MAP2K4: variants seen among roughly 807,000 people sequenced by gnomAD.
The protein encoded by MAP2K4 is dual specificity mitogen-activated protein kinase kinase 4.
Under a neutral mutation model 48.5 loss-of-function variants are expected in MAP2K4, and 4 were observed. The ratio of observed to expected loss-of-function variants is 0.08; its 90% CI spans 0.04 to 0.19. MAP2K4 has a LOEUF of 0.19. Among genes scored for constraint, MAP2K4 ranks in the 10% least tolerant of loss-of-function variants. The probability of loss-of-function intolerance (pLI) is 1.00; values close to 1 mark genes in which losing one functional copy is unlikely to be tolerated. For missense variants in MAP2K4, 258 were observed against 493.3 expected (o/e 0.52, Z 4.52); for synonymous variants, 166 against 173.1 (o/e 0.96, Z 0.32).
At chr17:12,035,231 G>C (rs1969555639) in intron 1 of MAP2K4, among the ~76,000 whole-genome samples, 1 of 152,104 alleles carries the variant, frequency 6.6e-6, no homozygotes. Flanking sequence ...TTAAAATTGG[G>C]CTTGGGCTGG....
At chr17:12,060,132 A>C (rs1374895141) in intron 2 of MAP2K4, among the ~76,000 whole-genome samples, 5 of 150,788 alleles carry the variant, frequency 3.3e-5, no homozygotes. Context: ...GTACCACTGC[A>C]CTCCAGCCTG....
At chr17:12,023,530 G>T (rs1969161733) in intron 1 of MAP2K4, among the ~76,000 whole-genome samples, 1 of 152,174 alleles carries the variant, frequency 6.6e-6, no homozygotes, top group Non-Finnish European at 1.5e-5. Flanking sequence ...TCTGGGAGTT[G>T]TTAATGACCA....
Position 12,025,944 on chromosome 17 carries a change from AAG to A in MAP2K4, c.115+4946_115+4947del, listed in dbSNP as rs137933639. On this transcript the variant is annotated intron_variant, in intron 1 of 10. Coordinates refer to ENST00000353533, the MANE Select transcript of MAP2K4 (RefSeq NM_003010.4). ...AAAGAACTGATTTGTGCAGACAGTG[AAG>A]AGTTTCAAACCCCAGAACTGCTTGC... 3.4e-3 allele frequency among the ~76,000 whole-genome samples: 512 copies of A among 152,312 alleles called. 2 individuals carry two copies. Among genetic ancestry groups the A allele is most frequent in the African/African-American group, 0.012 (495 of 41,586 alleles).
At chr17:12,061,422 G>A (rs1970446209) in intron 2 of MAP2K4, among the ~76,000 whole-genome samples, 1 of 152,174 alleles carries the variant, frequency 6.6e-6, no homozygotes, top group Non-Finnish European at 1.5e-5. Context: ...ATTCACTGGA[G>A]AAGTGATTCT....
rs76188897 is a variant in MAP2K4 at position 12,046,440 on chromosome 17, T to A, written c.116-8449T>A. 1.7e-3 allele frequency among the ~76,000 whole-genome samples: 258 copies of A among 152,310 alleles called. 1 individual carries two copies. The highest frequency in any genetic ancestry group is 6.1e-3 in the African/African-American group (254 of 41,572). The stretch of plus-strand genomic sequence containing the variant: ...GGCCTTCTTTGATTAGCTGGCTCCC[T>A]GGGTAATTTTTATGGGGTTGGACTA... On this transcript the variant is annotated intron_variant, in intron 1 of 10. Coordinates refer to ENST00000353533, the MANE Select transcript of MAP2K4 (RefSeq NM_003010.4).
At chr17:12,040,895 C>G (rs1969756885) in intron 1 of MAP2K4, among the ~76,000 whole-genome samples, 1 of 152,138 alleles carries the variant, frequency 6.6e-6, no homozygotes, top group Non-Finnish European at 1.5e-5. Context: ...TTTTCCTATT[C>G]CTGTTCCATC....
intron 2 of MAP2K4, among the ~76,000 whole-genome samples, chr17:12,067,391 G>A (rs1970650119): frequency 6.6e-6 from 1 of 152,106 alleles, no homozygotes; most frequent in African/African-American, 2.4e-5. Flanking sequence ...TGAGATACTA[G>A]ATTGGAAAAT....
Position 12,143,462 on chromosome 17 carries a change from T to C in MAP2K4, c.*2202T>C, listed in dbSNP as rs568709937. 74 of 232,628 alleles carry C rather than the reference T, an allele frequency of 3.2e-4. No individual in the cohort carries two copies. The highest frequency in any genetic ancestry group is 4.6e-4 in the Non-Finnish European group (54 of 117,374). 14.4% of individuals were successfully genotyped at this position (232,628 alleles called of 1,614,324 possible). ...AACTGTGAAAATAGTGTAAGAACTG[T>C]ACATTGTGAGCTCTGGTTATTTTTC... On this transcript the variant is annotated 3_prime_UTR_variant, in exon 11 of 11. Transcript: ENST00000353533.
intron 9 of MAP2K4, among the ~76,000 whole-genome samples, chr17:12,131,192 C>T (rs537301628): frequency 1.3e-5 from 2 of 151,250 alleles, no homozygotes; most frequent in South Asian, 4.2e-4. Context: ...GCTTTCAGAA[C>T]CCATTACGAT....
intron 9 of MAP2K4, among the ~76,000 whole-genome samples, chr17:12,132,590 C>T (rs1034642376): frequency 2.0e-5 from 3 of 150,090 alleles, no homozygotes; most frequent in South Asian, 2.1e-4. Context: ...ATGTCTGCTT[C>T]GATTAAAAGT....
intron 4 of MAP2K4, among the ~76,000 whole-genome samples, chr17:12,098,097 G>A (rs983769107): frequency 6.6e-6 from 1 of 152,170 alleles, no homozygotes; most frequent in Admixed American, 6.5e-5. Context: ...TACAATAAAA[G>A]TGTAGTTTTA....
intron 2 of MAP2K4, among the ~76,000 whole-genome samples, chr17:12,076,166 A>C (rs2151544001): frequency 6.6e-6 from 1 of 152,304 alleles, no homozygotes; most frequent in Non-Finnish European, 1.5e-5. Flanking sequence ...TTTACAAAAC[A>C]AGGCCACCTG....
intron 1 of MAP2K4, among the ~76,000 whole-genome samples, chr17:12,042,507 C>T (rs573536956): frequency 6.6e-6 from 1 of 151,992 alleles, no homozygotes; most frequent in Non-Finnish European, 1.5e-5. Context: ...ATTAGCTAGG[C>T]GTGGTGGCCT....
chr17:12,064,342 A>G (rs1970549314), intron 2 of MAP2K4, among the ~76,000 whole-genome samples: 1 of 152,192 alleles, frequency 6.6e-6, no homozygotes, highest in Admixed American at 6.5e-5. Flanking sequence ...TCGGCCTCCC[A>G]GAGTGCTAGT....
At chr17:12,065,719 C>A (rs1597430364) in intron 2 of MAP2K4, among the ~76,000 whole-genome samples, 1 of 152,212 alleles carries the variant, frequency 6.6e-6, no homozygotes, top group Non-Finnish European at 1.5e-5. Context: ...CAGGCTTGAG[C>A]CGCCGTGCCT....
chr17:12,040,085 T>C (rs1486846257), intron 1 of MAP2K4, among the ~76,000 whole-genome samples: 2 of 152,196 alleles, frequency 1.3e-5, no homozygotes, highest in African/African-American at 4.8e-5. Context: ...GGAGCTCTTG[T>C]TAAGATAAAC....
At chr17:12,084,377 C>T (rs865875584) in intron 3 of MAP2K4, among the ~76,000 whole-genome samples, 3 of 152,240 alleles carry the variant, frequency 2.0e-5, no homozygotes, top group Middle Eastern at 3.4e-3. Context: ...TTTAATTGCA[C>T]GTGCTTGGGA....
Position 12,023,820 on chromosome 17 carries a change from C to T in MAP2K4, c.115+2819C>T, listed in dbSNP as rs372478658. 3.6e-4 allele frequency among the ~76,000 whole-genome samples: 55 copies of T among 152,214 alleles called. 6 individuals carry two copies. The highest frequency in any genetic ancestry group is 2.2e-3 in the Admixed American group (34 of 15,296). ...ACCAGGGGCAATGAACTTGGCCTTTCGAAGCCTCAGTTTCTCACTTGGAAA... is the reference window on the plus strand; with the variant it reads ...ACCAGGGGCAATGAACTTGGCCTTTTGAAGCCTCAGTTTCTCACTTGGAAA... On this transcript the variant is annotated intron_variant, in intron 1 of 10. Coordinates refer to ENST00000353533, the MANE Select transcript of MAP2K4 (RefSeq NM_003010.4).
intron 2 of MAP2K4, among the ~76,000 whole-genome samples, chr17:12,064,637 A>G (rs910825261): frequency 6.6e-6 from 1 of 152,200 alleles, no homozygotes; most frequent in African/African-American, 2.4e-5. Flanking sequence ...AAATGGTACA[A>G]CCACTTTAGA....
Sources: allele counts gnomAD v4.1 joint callset (sites outside exome capture counted in the v4.1 genomes callset), GRCh38; gene constraint gnomAD v4.1.1; transcripts MANE v1.5; gene names NCBI Gene and HGNC (gene_info 2026-07-23, HGNC 2026-07-21).